The following LRP1B variants were observed in gnomAD, a reference collection of about 807,000 sequenced individuals.
LRP1B encodes the protein low-density lipoprotein receptor-related protein 1B.
LRP1B carries 217 observed loss-of-function variants against 556.6 expected under a neutral mutation model. The ratio of observed to expected loss-of-function variants is 0.39; its 90% CI spans 0.35 to 0.44. The LOEUF (loss-of-function observed/expected upper bound fraction) is 0.44, where lower values mean the gene tolerates loss of function less well. LRP1B is among the 20% of genes least tolerant of loss of function. LRP1B has a pLI of 1.00. For missense variants in LRP1B, 5,053 were observed against 5,620.8 expected (o/e 0.90, Z 3.23); for synonymous variants, 2,047 against 1,865.8 (o/e 1.10, Z -2.50).
intron 31 of LRP1B, among the ~76,000 whole-genome samples, chr2:140,834,399 C>G (rs1472098037): frequency 2.6e-5 from 4 of 152,130 alleles, no homozygotes; most frequent in Non-Finnish European, 5.9e-5. Context: ...GCCATCATTC[C>G]CAGCTAATTT....
intron 7 of LRP1B, among the ~76,000 whole-genome samples, chr2:141,067,933 T>G (rs1368599304): frequency 6.6e-6 from 1 of 151,940 alleles, no homozygotes; most frequent in Non-Finnish European, 1.5e-5. Flanking sequence ...AAAGAAGACA[T>G]GTCTCCCTTG....
At chr2:142,059,138 A>C (rs2104888207) in intron 1 of LRP1B, among the ~76,000 whole-genome samples, 1 of 152,168 alleles carries the variant, frequency 6.6e-6, no homozygotes. Context: ...TGCTTGCCTA[A>C]GATTGGGGTG....
chr2:141,971,753 A>AT (rs1701741100), intron 1 of LRP1B, among the ~76,000 whole-genome samples: 1 of 151,416 alleles, frequency 6.6e-6, no homozygotes, highest in Admixed American at 6.6e-5. Context: ...AAATTTTTAC[A>AT]TTTTTCCAAC....
At chr2:141,804,143 AT>A (rs1696097575) in intron 2 of LRP1B, among the ~76,000 whole-genome samples, 1 of 152,086 alleles carries the variant, frequency 6.6e-6, no homozygotes, top group Admixed American at 6.6e-5. Context: ...ATGACAATGT[AT>A]TTTTAAATTA....
At chr2:141,021,391 T>C (rs1367618498) in intron 11 of LRP1B, among the ~76,000 whole-genome samples, 1 of 148,394 alleles carries the variant, frequency 6.7e-6, no homozygotes, top group Non-Finnish European at 1.5e-5. Context: ...GAATCAGATA[T>C]GTTCCCAATT....
intron 3 of LRP1B, among the ~76,000 whole-genome samples, chr2:141,294,052 A>G (rs1686084152): frequency 6.6e-6 from 1 of 152,200 alleles, no homozygotes; most frequent in Non-Finnish European, 1.5e-5. Context: ...AATTGTAGGT[A>G]TTCCAAAATT....
chr2:141,224,718 C>G (rs1267843931), intron 6 of LRP1B, among the ~76,000 whole-genome samples: 2 of 151,730 alleles, frequency 1.3e-5, no homozygotes, highest in African/African-American at 4.8e-5. Flanking sequence ...AACACAGGAA[C>G]AGAAAACCAA....
chr2:140,927,164 G>T, intron 20 of LRP1B, among the ~76,000 whole-genome samples: 1 of 152,114 alleles, frequency 6.6e-6, no homozygotes, highest in Non-Finnish European at 1.5e-5. Flanking sequence ...AATTAGCTAG[G>T]TGTGGTGGCT....
At chr2:142,062,906 C>T (rs1409682942) in intron 1 of LRP1B, among the ~76,000 whole-genome samples, 1 of 151,122 alleles carries the variant, frequency 6.6e-6, no homozygotes, top group Non-Finnish European at 1.5e-5. Context: ...TTTTTCCAAA[C>T]CTAAAGTCAT....
At chr2:140,597,954 T>C (rs913528260) in intron 43 of LRP1B, among the ~76,000 whole-genome samples, 1 of 152,140 alleles carries the variant, frequency 6.6e-6, no homozygotes, top group Non-Finnish European at 1.5e-5. Flanking sequence ...GGTAGGGACA[T>C]GGGTCCAGAT....
intron 2 of LRP1B, among the ~76,000 whole-genome samples, chr2:141,679,396 A>G (rs1691023950): frequency 6.6e-6 from 1 of 152,204 alleles, no homozygotes; most frequent in South Asian, 2.1e-4. Context: ...TAAATAACAA[A>G]TCTAGGAACC....
intron 7 of LRP1B, among the ~76,000 whole-genome samples, chr2:141,114,428 T>C (rs749711077): frequency 2.6e-5 from 4 of 151,972 alleles, no homozygotes; most frequent in Non-Finnish European, 4.4e-5. Context: ...TGGCTGTCAG[T>C]GGGGTGGAAG....
At chr2:141,585,319 T>G (rs966006993) in intron 2 of LRP1B, among the ~76,000 whole-genome samples, 1 of 152,148 alleles carries the variant, frequency 6.6e-6, no homozygotes, top group African/African-American at 2.4e-5. Context: ...TGAATAAGCC[T>G]GTCATGAAGG....
chr2:141,422,648 T>G (rs1378855779), intron 3 of LRP1B, among the ~76,000 whole-genome samples: 1 of 152,234 alleles, frequency 6.6e-6, no homozygotes, highest in Admixed American at 6.5e-5. Flanking sequence ...TCCTTACCTT[T>G]ACGTACATGT....
chr2:141,860,227 A>G (rs573276231), intron 1 of LRP1B, among the ~76,000 whole-genome samples: 4 of 152,310 alleles, frequency 2.6e-5, no homozygotes, highest in African/African-American at 4.8e-5. Context: ...AAAATAAGAT[A>G]TACATTCTTG....
chr2:140,696,296 T>A (rs1327899266), intron 41 of LRP1B, among the ~76,000 whole-genome samples: 4 of 152,110 alleles, frequency 2.6e-5, no homozygotes, highest in Admixed American at 2.6e-4. Flanking sequence ...AACTATACAT[T>A]CACCTAAAAA....
At chr2:140,914,774 C>G (rs1694525431) in intron 21 of LRP1B, among the ~76,000 whole-genome samples, 2 of 152,028 alleles carry the variant, frequency 1.3e-5, no homozygotes, top group South Asian at 4.1e-4. Context: ...AGAGAACAAT[C>G]CAATGTGAGA....
intron 2 of LRP1B, among the ~76,000 whole-genome samples, chr2:141,584,135 C>G (rs1388364316): frequency 2.0e-5 from 3 of 151,918 alleles, no homozygotes; most frequent in African/African-American, 4.8e-5. Flanking sequence ...GTCTCAGCTA[C>G]TCAGGAGGCT....
At chr2:141,644,015 T>A (rs1190248702) in intron 2 of LRP1B, among the ~76,000 whole-genome samples, 1 of 50,012 alleles carries the variant, frequency 2.0e-5, no homozygotes, top group Non-Finnish European at 5.5e-5. Flanking sequence ...GGAGAGTGTG[T>A]GTGTGTGTGT....
Sources: gnomAD v4.1 joint callset for allele counts (sites outside exome capture counted in the v4.1 genomes callset) on GRCh38, gnomAD v4.1.1 for gene constraint, MANE v1.5 for transcripts, NCBI Gene and HGNC (gene_info 2026-07-23, HGNC 2026-07-21) for gene names.